ANK3: variants seen among roughly 807,000 people sequenced by gnomAD.
ANK3 encodes the protein ankyrin 3, also known as ankyrin-3.
Under a neutral mutation model 370.9 loss-of-function variants are expected in ANK3, and 57 were observed. The ratio of observed to expected loss-of-function variants is 0.15; its 90% confidence interval spans 0.12 to 0.19. The LOEUF is 0.19. ANK3 is among the 10% of genes least tolerant of loss of function. The pLI is 1.00. For synonymous variants in ANK3, 1,929 were observed against 1,946.3 expected (o/e 0.99, Z 0.23); for missense variants, 4,439 against 5,302.1 (o/e 0.84, Z 5.06).
intron 1 of ANK3, among the ~76,000 whole-genome samples, chr10:60,692,351 G>A (rs1289960088): frequency 2.6e-5 from 4 of 152,300 alleles, no homozygotes; most frequent in South Asian, 4.2e-4. Flanking sequence ...TTTCTGTCAT[G>A]GGCTGCCTCA....
intron 42 of ANK3, among the ~76,000 whole-genome samples, chr10:60,052,069 T>C (rs1279180625): frequency 4.6e-5 from 7 of 152,148 alleles, no homozygotes; most frequent in Non-Finnish European, 1.0e-4. Flanking sequence ...TATTAAAAAG[T>C]AAAGAATCTA....
At chr10:60,201,658 T>C (rs1454838655) in intron 12 of ANK3, among the ~76,000 whole-genome samples, 3 of 151,850 alleles carry the variant, frequency 2.0e-5, no homozygotes, top group East Asian at 1.9e-4. Context: ...TGCTATAACA[T>C]GGTGAAGCAC....
intron 2 of ANK3, among the ~76,000 whole-genome samples, chr10:60,594,377 G>A (rs371772967): frequency 6.6e-6 from 1 of 152,112 alleles, no homozygotes; most frequent in East Asian, 1.9e-4. Context: ...ATGCTACTTG[G>A]TCCTTCTGGG....
At chr10:60,309,915 CTTTTT>C (rs2045968428) in intron 1 of ANK3, among the ~76,000 whole-genome samples, 1 of 142,996 alleles carries the variant, frequency 7.0e-6, no homozygotes, top group African/African-American at 2.6e-5. Context: ...CTTTTCTTTT[CTTTTT>C]TCTTTTTTTT....
intron 2 of ANK3, among the ~76,000 whole-genome samples, chr10:60,540,927 G>A (rs192581169): frequency 6.6e-6 from 1 of 152,036 alleles, no homozygotes; most frequent in East Asian, 1.9e-4. Flanking sequence ...GCAACAGCAT[G>A]TATAAAGATA....
At chr10:60,692,662 T>G (rs541187259) in intron 1 of ANK3, among the ~76,000 whole-genome samples, 2 of 152,194 alleles carry the variant, frequency 1.3e-5, no homozygotes, top group Non-Finnish European at 2.9e-5. Flanking sequence ...ACAATTCAAA[T>G]TTTACTGCAG....
chr10:60,090,879 C>CG (rs2088152262), intron 28 of ANK3, among the ~76,000 whole-genome samples: 4 of 152,100 alleles, frequency 2.6e-5, no homozygotes, highest in Non-Finnish European at 5.9e-5. Context: ...ATTGAAAATG[C>CG]ACCTACCCTG....
At chr10:60,450,448 G>A (rs994808677) in intron 2 of ANK3, among the ~76,000 whole-genome samples, 1 of 152,154 alleles carries the variant, frequency 6.6e-6, no homozygotes. Flanking sequence ...TAGACAGTAT[G>A]AGCTAGCTCC....
rs568296586 is a variant in ANK3 at position 60,147,710 on chromosome 10, C to T, written c.2615-8623G>A. Among the ~76,000 whole-genome samples the T allele has an allele frequency of 2.5e-3, 377 of 152,260 alleles. 4 individuals are homozygous for T. Among genetic ancestry groups the T allele is most frequent in the African/African-American group, 8.6e-3 (358 of 41,556 alleles). On this transcript the variant is annotated intron_variant, in intron 23 of 43. Coordinates refer to ENST00000280772, the MANE Select transcript of ANK3 (RefSeq NM_020987.5). ...GGTGAGGGGCACCTCCCCTTCCTCT[C>T]TCTTCCTCCTGCACCGGCCTTGTAA...
chr10:60,226,614 A>C (rs1475454278), intron 8 of ANK3, among the ~76,000 whole-genome samples: 2 of 117,580 alleles, frequency 1.7e-5, no homozygotes, highest in Non-Finnish European at 3.4e-5. Context: ...AATCAAAAGC[A>C]AAAGTCACTA....
Position 60,279,154 on chromosome 10 carries a change from T to A in ANK3, c.217-6A>T. ...TGGAGAGCGTTCAACCCATTCTGAT[T>A]AAAAGTAAAGGAAAAGCTCTACTCA... On this transcript the variant is annotated splice_polypyrimidine_tract_variant and splice_region_variant and intron_variant, in intron 2 of 43. Transcript: ENST00000280772. 1 of 1,612,952 alleles carries A rather than the reference T, an allele frequency of 6.2e-7. No individual in the cohort carries two copies. The highest frequency in any genetic ancestry group is 1.3e-5 in the African/African-American group (1 of 74,974).
chr10:60,654,614 C>A (rs1338199739), intron 1 of ANK3, among the ~76,000 whole-genome samples: 1 of 152,128 alleles, frequency 6.6e-6, no homozygotes, highest in Non-Finnish European at 1.5e-5. Flanking sequence ...GAATGTTAAA[C>A]TTGCTTTCCT....
intron 40 of ANK3, 176 bp from the exon 41 acceptor site, chr10:60,059,606 C>T: frequency 7.1e-7 from 1 of 1,408,152 alleles, no homozygotes; most frequent in Non-Finnish European, 9.7e-7. Flanking sequence ...CTTTCTCCTG[C>T]TGCTCAGAGC....
chr10:60,411,048 G>A (rs2063549893), intron 2 of ANK3, among the ~76,000 whole-genome samples: 1 of 152,136 alleles, frequency 6.6e-6, no homozygotes, highest in Admixed American at 6.5e-5. Flanking sequence ...AGGATCCACT[G>A]GGGGAACTCC....
rs201202737 is a variant in ANK3 at position 60,496,731 on chromosome 10, C to A, written c.96+118455G>T. ...GTATTCTCTGCATAACTTTTTGAGA[C>A]CGAAAAAAAAAAAAAAAAAGATCAC... On this transcript the variant is annotated intron_variant, in intron 2 of 43. Transcript: ENST00000373827. 6.5e-5 allele frequency among the ~76,000 whole-genome samples: 6 copies of A among 92,762 alleles called. No individual in the cohort carries two copies. In the East Asian group the frequency reaches 2.0e-3, roughly 31 times the overall value. 60.9% of individuals were successfully genotyped at this position (92,762 alleles called of 152,430 possible). A position where few individuals can be genotyped will look rare whatever the true frequency, so the allele number is the denominator to read the frequency against.
At chr10:60,668,426 G>A (rs902955209) in intron 1 of ANK3, among the ~76,000 whole-genome samples, 4 of 149,506 alleles carry the variant, frequency 2.7e-5, no homozygotes, top group Non-Finnish European at 4.4e-5. Context: ...GAGGCCATCC[G>A]ACTCATGGTT....
intron 2 of ANK3, among the ~76,000 whole-genome samples, chr10:60,457,193 G>A (rs866577719): frequency 6.6e-6 from 1 of 152,214 alleles, no homozygotes; most frequent in Middle Eastern, 3.4e-3. Flanking sequence ...ATAGAAAGAA[G>A]CTAAACATGT....
chr10:60,704,155 T>A (rs1439011660), intron 1 of ANK3, among the ~76,000 whole-genome samples: 3 of 152,226 alleles, frequency 2.0e-5, no homozygotes, highest in African/African-American at 7.2e-5. Flanking sequence ...CAAAAGTTAA[T>A]TCTACATTGC....
chr10:60,673,971 A>G (rs1404392092), intron 1 of ANK3, among the ~76,000 whole-genome samples: 4 of 152,172 alleles, frequency 2.6e-5, no homozygotes, highest in African/African-American at 9.7e-5. Context: ...AGATACGGTC[A>G]AGTTCAGTTC....
Sources: allele counts gnomAD v4.1 joint callset (sites outside exome capture counted in the v4.1 genomes callset), GRCh38; gene constraint gnomAD v4.1.1; transcripts MANE v1.5; gene names NCBI Gene and HGNC (gene_info 2026-07-23, HGNC 2026-07-21).